DAZAP2: variants seen among roughly 807,000 people sequenced by gnomAD.
DAZAP2 encodes the protein DAZ associated protein 2.
A neutral mutation model predicts 16.2 loss-of-function variants in DAZAP2; 3 were observed. That is an observed-to-expected ratio of 0.19 (90% CI 0.08 to 0.48). The LOEUF is 0.48. Among genes scored for constraint, DAZAP2 ranks in the 20% least tolerant of loss-of-function variants. The pLI, the probability that DAZAP2 is intolerant of heterozygous loss-of-function variation, is 0.98. For missense variants in DAZAP2, 172 were observed against 215.9 expected (o/e 0.80, Z 1.27); for synonymous variants, 69 against 77.6 (o/e 0.89, Z 0.58).
intron 3 of DAZAP2, among the ~76,000 whole-genome samples, chr12:51,241,693 G>A (rs534766026): frequency 6.8e-4 from 104 of 152,242 alleles, no homozygotes; most frequent in African/African-American, 2.4e-3. Flanking sequence ...GGCGAAGCAC[G>A]GTGGCTCACC....
In DAZAP2 at chr12:51,243,441, A is replaced by G. The variant is rs1804087; in HGVS notation, c.*983A>G. On this transcript the variant is annotated 3_prime_UTR_variant, in exon 4 of 4. Coordinates refer to ENST00000412716, the MANE Select transcript of DAZAP2 (RefSeq NM_014764.4). ...GCGGCCACTCATTCGGCTCCCCAGAATTCCTAGACTGGGTTAATAGGGTCA... is the reference window on the plus strand; with the variant it reads ...GCGGCCACTCATTCGGCTCCCCAGAGTTCCTAGACTGGGTTAATAGGGTCA... 4,243 of 985,820 alleles carry G rather than the reference A, an allele frequency of 4.3e-3. 155 individuals are homozygous for G. The African/African-American group carries it at 0.069, about 16-fold the overall frequency. The allele number at this position is 985,820 out of a possible 1,614,324, so 61.1% of individuals were successfully genotyped here.
downstream of DAZAP2, chr12:51,245,268 G>A (rs1010098577): frequency 6.6e-6 from 1 of 152,308 alleles, no homozygotes; most frequent in African/African-American, 2.4e-5. Context: ...ATGTAAAGGC[G>A]TTAAATAGGG....
At chr12:51,241,589 A>C (rs1465457622) in intron 3 of DAZAP2, among the ~76,000 whole-genome samples, 1 of 152,230 alleles carries the variant, frequency 6.6e-6, no homozygotes, top group East Asian at 1.9e-4. Context: ...TTTAGAGCTC[A>C]AATGACTGCT....
rs373137618 is a variant in DAZAP2, at chr12:51,242,515, C to A, written c.*57C>A. ...CATCACATACCTTCAGCACTTCTCA[C>A]AATGTAACTGCTTTAGTCATATTAA... On this transcript the variant is annotated 3_prime_UTR_variant, in exon 4 of 4. Transcript: ENST00000412716. 1 of 1,613,358 alleles carries A rather than the reference C, an allele frequency of 6.2e-7. No individual in the cohort carries two copies. Among genetic ancestry groups the A allele is most frequent in the African/African-American group, 1.3e-5 (1 of 74,914 alleles).
At chr12:51,245,914 A>G (rs368756559), downstream of DAZAP2, 301 of 1,602,070 alleles carry the variant, frequency 1.9e-4, no homozygotes, top group Non-Finnish European at 2.4e-4. Context: ...TGGAGCCAGG[A>G]ATAAGCTCCT....
intron 1 of DAZAP2, 197 bp downstream of exon 1, chr12:51,239,117 C>T (rs1565652340): frequency 1.4e-5 from 10 of 738,032 alleles, no homozygotes; most frequent in Non-Finnish European, 2.1e-5. Context: ...CAGGCCCTTT[C>T]CTCCGTAAAC....
chr12:51,242,475 C>T lies in DAZAP2; in HGVS notation c.*17C>T, dbSNP rs1049467. 0.77 allele frequency: 1,244,092 copies of T among 1,613,726 alleles called. 480,372 individuals are homozygous for T. The highest frequency in any genetic ancestry group is 0.89 in the East Asian group (39,967 of 44,868). ...ATCTGGTGAGGAACCAAGGCCACCT[C>T]TGTGCCGGGAAAGACATCACATACC... On this transcript the variant is annotated 3_prime_UTR_variant, in exon 4 of 4. Coordinates refer to ENST00000412716, the MANE Select transcript of DAZAP2 (RefSeq NM_014764.4).
chr12:51,246,604 C>CTG (rs59561227), downstream of DAZAP2: 41,252 of 331,776 alleles, frequency 0.12, 362 homozygotes, highest in East Asian at 0.21. Flanking sequence ...TCTTTTATGG[C>CTG]TGTGTGTGTG....
At chr12:51,246,509 A>G (rs1420595646), downstream of DAZAP2, 3 of 448,968 alleles carry the variant, frequency 6.7e-6, no homozygotes, top group Non-Finnish European at 7.9e-6. Context: ...CCACGTACTC[A>G]AGTGTAACGT....
intron 3 of DAZAP2, among the ~76,000 whole-genome samples, chr12:51,241,857 G>T (rs921266424): frequency 4.0e-5 from 6 of 151,820 alleles, no homozygotes; most frequent in Non-Finnish European, 8.8e-5. Context: ...GGAGGTGGAG[G>T]TTGCAGTGAG....
downstream of DAZAP2, chr12:51,245,044 G>T (rs1049034262): frequency 6.6e-5 from 10 of 151,796 alleles, no homozygotes; most frequent in African/African-American, 1.9e-4. Context: ...AGCCAGGATG[G>T]TCTCGATCTC....
intron 3 of DAZAP2, among the ~76,000 whole-genome samples, chr12:51,241,785 G>T (rs1299342024): frequency 6.6e-6 from 1 of 152,116 alleles, no homozygotes; most frequent in Non-Finnish European, 1.5e-5. Context: ...GCCGGGCATG[G>T]TGGCAGGCGT....
downstream of DAZAP2, chr12:51,246,288 G>A (rs1944769301): frequency 4.4e-6 from 4 of 917,160 alleles, no homozygotes; most frequent in Non-Finnish European, 6.4e-6. Flanking sequence ...AATTTCCATG[G>A]CACATAATAG....
rs947317953 is a variant in DAZAP2, at chr12:51,243,194, C to T, written c.*736C>T. ...TATGGGCCCTCCTCATAGGTTGTCT[C>T]TGCATACACGAACCTAACCCAAATT... On this transcript the variant is annotated 3_prime_UTR_variant, in exon 4 of 4. Transcript: ENST00000412716. The T allele has an allele frequency of 8.1e-6, 8 of 985,804 alleles. No homozygotes were observed. Among genetic ancestry groups the T allele is most frequent in the African/African-American group, 1.7e-5 (1 of 57,228 alleles). 61.1% of individuals were successfully genotyped at this position (985,804 alleles called of 1,614,324 possible).
rs867804566 is a variant in DAZAP2, at chr12:51,239,283, C to T, written c.13+363C>T. 2.7e-4 allele frequency: 73 copies of T among 271,596 alleles called. No homozygotes were observed. The Middle Eastern group carries it at 6.0e-3, about 22-fold the overall frequency. The allele number at this position is 271,596 out of a possible 1,614,324, so 16.8% of individuals were successfully genotyped here. On this transcript the variant is annotated intron_variant, in intron 1 of 3. Coordinates refer to ENST00000412716, the MANE Select transcript of DAZAP2 (RefSeq NM_014764.4). ...CCGCGCTCCGGAACCCCCAGCGGGG[C>T]CGAACTTAACTACTGAATTGCTGGA...
rs1329417064 is a variant in DAZAP2, at chr12:51,238,884, A to C, written c.-24A>C. Reference sequence around the variant, plus strand: ...AAAAAAATAACCGTCCGCGACGCCGAGACAAACCGGACCCGCAACCACCAT... The same window carrying C: ...AAAAAAATAACCGTCCGCGACGCCGCGACAAACCGGACCCGCAACCACCAT... On this transcript the variant is annotated 5_prime_UTR_variant, in exon 1 of 4. Transcript: ENST00000412716. The C allele has an allele frequency of 6.2e-7, 1 of 1,613,356 alleles. No individual in the cohort carries two copies. The highest frequency in any genetic ancestry group is 8.5e-7 in the Non-Finnish European group (1 of 1,179,880).
chr12:51,241,181 T>C, intron 3 of DAZAP2, 65 bp downstream of exon 3: 1 of 1,581,810 alleles, frequency 6.3e-7, no homozygotes, highest in Non-Finnish European at 8.6e-7. Flanking sequence ...AATGACTTCA[T>C]ATTCATTCTC....
At chr12:51,245,087 A>G (rs988720935), downstream of DAZAP2, 13 of 152,182 alleles carry the variant, frequency 8.5e-5, no homozygotes, top group Non-Finnish European at 1.2e-4. Context: ...TCGGCCTCCC[A>G]AAGTGCTGGG....
In DAZAP2 at chr12:51,240,550, C is replaced by G. The variant is rs1944656720; in HGVS notation, c.132+89C>G. 3.3e-6 allele frequency: 4 copies of G among 1,196,430 alleles called. No homozygotes were observed. The South Asian group carries it at 5.1e-5, about 15-fold the overall frequency. The allele number at this position is 1,196,430 out of a possible 1,614,324, so 74.1% of individuals were successfully genotyped here. ...AGCTAAATCTGACTTCACATATTTA[C>G]TCTTCACAAATGCTAACATGAATAA... On this transcript the variant is annotated intron_variant, in intron 2 of 3. Transcript: ENST00000412716.
Sources: allele counts gnomAD v4.1 joint callset (sites outside exome capture counted in the v4.1 genomes callset), GRCh38; gene constraint gnomAD v4.1.1; transcripts MANE v1.5; gene names NCBI Gene and HGNC (gene_info 2026-07-23, HGNC 2026-07-21).